KAT6B: variants seen among roughly 807,000 people sequenced by gnomAD.
KAT6B encodes the protein histone acetyltransferase KAT6B.
In KAT6B, 10 loss-of-function variants were observed where a neutral mutation model predicts 187.5. The ratio of observed to expected loss-of-function variants is 0.05; its 90% CI spans 0.03 to 0.09. The LOEUF is 0.09. Among genes scored for constraint, KAT6B ranks in the 10% least tolerant of loss-of-function variants. KAT6B has a pLI of 1.00. For synonymous variants in KAT6B, 861 were observed against 926.8 expected, an observed-to-expected ratio of 0.93 and a Z score of 1.29; for missense variants, 1,952 against 2,558.9, an observed-to-expected ratio of 0.76 and a Z score of 5.12.
chr10:74,855,231 G>A (rs967433479), intron 3 of KAT6B, among the ~76,000 whole-genome samples: 1 of 152,188 alleles, frequency 6.6e-6, no homozygotes, highest in Non-Finnish European at 1.5e-5. Flanking sequence ...GGAAGGAGGT[G>A]AGCCTTGGTC....
Position 75,029,436 on chromosome 10 carries a change from G to A in KAT6B, c.4612G>A (p.Asp1538Asn), listed in dbSNP as rs753937127. 7.4e-6 allele frequency: 12 copies of A among 1,614,116 alleles called. No homozygotes were observed. The highest frequency in any genetic ancestry group is 1.6e-4 in the Middle Eastern group (1 of 6,062). ...GGGAAACCCAGCAACCATGGAAATCGACTCTGAGACTGTCCAGGCCGTTCA... is the reference window on the plus strand; with the variant it reads ...GGGAAACCCAGCAACCATGGAAATCAACTCTGAGACTGTCCAGGCCGTTCA... ...KEGNPATMEI[D>N]SETVQAVQSL... The change falls in exon 18 of 18, where the codon GAC (aspartate) becomes AAC (asparagine). Residue 1538 changes from aspartate to asparagine, a missense_variant. This residue lies in a region of KAT6B where 758 missense variants were observed against 891.4 expected (regional missense o/e 0.85). Coordinates refer to ENST00000287239, the MANE Select transcript of KAT6B (RefSeq NM_012330.4). The surrounding 1 kb of genome is among the most constrained non-coding windows in gnomAD (Gnocchi z 6.2).
At chr10:74,866,017 A>T (rs901401538) in intron 3 of KAT6B, among the ~76,000 whole-genome samples, 1 of 151,998 alleles carries the variant, frequency 6.6e-6, no homozygotes, top group Non-Finnish European at 1.5e-5. Flanking sequence ...CAGAGGGCTG[A>T]TTTTTTGTCT....
In KAT6B at chr10:74,851,111, A is replaced by ATT. The variant is rs551058752; in HGVS notation, c.621+7645_621+7646dup. On this transcript the variant is annotated intron_variant, in intron 3 of 17. Transcript: ENST00000287239. ...TGTCAATAAGAAAAAAATCAAAATG[A>ATT]TTTTTTTTTTTTTGGATACAGAGTC... Among the ~76,000 whole-genome samples the ATT allele has an allele frequency of 6.2e-5, 9 of 145,996 alleles. No homozygotes were observed. In the Admixed American group the frequency reaches 6.2e-4, roughly 10 times the overall value.
chr10:75,018,800 C>G (rs947317699), intron 13 of KAT6B, among the ~76,000 whole-genome samples: 1 of 152,154 alleles, frequency 6.6e-6, no homozygotes, highest in Non-Finnish European at 1.5e-5. Context: ...GACTTTCACA[C>G]TCACTGCAGG....
rs1846158973 is a variant in KAT6B, at chr10:75,029,605, C to T, written c.4781C>T (p.Ser1594Leu). Residue 1594 changes from serine (S) to leucine (L), a missense_variant, in exon 18 of 18, where the codon TCG becomes TTG. Coordinates refer to ENST00000287239, the MANE Select transcript of KAT6B (RefSeq NM_012330.4). This position sits in a 1 kb window ranked among gnomAD's most constrained non-coding sequence, Gnocchi z 6.2. ...IATTLDDCQQ[S>L]DHSSPVSSVH... is the part of the protein sequence containing the mutation. ...ACCACGCTCGACGATTGCCAACAGT[C>T]GGACCACAGTAGCCCAGTTTCATCC... is the stretch of plus-strand genomic sequence containing the variant. 8.1e-6 allele frequency: 13 copies of T among 1,614,164 alleles called. No homozygotes were observed. Among genetic ancestry groups the T allele is most frequent in the Non-Finnish European group, 1.0e-5 (12 of 1,180,032 alleles).
chr10:74,866,728 C>G (rs1843578838), intron 3 of KAT6B, among the ~76,000 whole-genome samples: 1 of 152,130 alleles, frequency 6.6e-6, no homozygotes. Flanking sequence ...AGCCTGAGGC[C>G]TGCTCTCTCA....
At chr10:74,855,215 C>G (rs879178129) in intron 3 of KAT6B, among the ~76,000 whole-genome samples, 1 of 152,140 alleles carries the variant, frequency 6.6e-6, no homozygotes, top group African/African-American at 2.4e-5. Flanking sequence ...AGCAGTGAGG[C>G]CTGCAGGAAG....
In KAT6B at chr10:74,997,415, T is replaced by C. The variant is rs577436477; in HGVS notation, c.2629+8303T>C. Among the ~76,000 whole-genome samples the C allele has an allele frequency of 2.0e-5, 3 of 152,314 alleles. 1 individual carries two copies. Among genetic ancestry groups the C allele is most frequent in the African/African-American group, 7.2e-5 (3 of 41,556 alleles). On this transcript the variant is annotated intron_variant, in intron 13 of 17. Coordinates refer to ENST00000287239, the MANE Select transcript of KAT6B (RefSeq NM_012330.4). ...GTCCTGCATTTATTGATTGATTCAT[T>C]CAGTCCTCACGGCAACAGTTGAGAT... is the stretch of plus-strand genomic sequence containing the variant.
At chr10:74,955,248 C>T (rs957965381) in intron 3 of KAT6B, among the ~76,000 whole-genome samples, 1 of 151,954 alleles carries the variant, frequency 6.6e-6, no homozygotes, top group Non-Finnish European at 1.5e-5. Context: ...CAGACAAAAC[C>T]ATCCTTTTTC....
chr10:74,887,566 C>A (rs1220096454), intron 3 of KAT6B, among the ~76,000 whole-genome samples: 1 of 151,992 alleles, frequency 6.6e-6, no homozygotes, highest in Non-Finnish European at 1.5e-5. Context: ...CTCAGGTGAT[C>A]CACCTGCCTC....
intron 3 of KAT6B, among the ~76,000 whole-genome samples, chr10:74,957,334 T>C (rs1034795489): frequency 6.6e-6 from 1 of 152,242 alleles, no homozygotes; most frequent in East Asian, 1.9e-4. Context: ...GAGATAGTTA[T>C]CCTTAAAATA....
intron 3 of KAT6B, among the ~76,000 whole-genome samples, chr10:74,873,530 A>T (rs569276664): frequency 6.6e-6 from 1 of 152,294 alleles, no homozygotes; most frequent in South Asian, 2.1e-4. Flanking sequence ...CAGGGGAGCT[A>T]TAGAGGAGCA....
chr10:74,969,957 A>G (rs1841742034), intron 5 of KAT6B, 63 bp from the exon 6 acceptor site: 2 of 1,246,876 alleles, frequency 1.6e-6, no homozygotes, highest in African/African-American at 3.0e-5. Context: ...CAGTAACAAA[A>G]GAATTTTTGG....
At position 74,843,387 on chromosome 10, in the gene KAT6B, G is replaced by A. The variant is rs2132075192; in HGVS notation, c.530G>A (p.Gly177Glu). 1 of 1,613,836 alleles carries A rather than the reference G, an allele frequency of 6.2e-7. No homozygotes were observed. The highest frequency in any genetic ancestry group is 8.5e-7 in the Non-Finnish European group (1 of 1,179,928). ...KDGPQYRVNYGSLDGKGAPQY... is the reference protein window; with the variant it reads ...KDGPQYRVNYESLDGKGAPQY... ...GGACCGCAGTACAGGGTCAATTATG[G>A]GAGCTTAGATGGCAAAGGGGCACCT... is the stretch of plus-strand genomic sequence containing the variant. Residue 177 changes from glycine to glutamate, a missense_variant, in exon 3 of 18, where the codon GGG becomes GAG. Gly to Glu is a moderately conservative substitution (Grantham distance 98, BLOSUM62 -2). Coordinates refer to ENST00000287239, the MANE Select transcript of KAT6B (RefSeq NM_012330.4).
chr10:74,828,337 G>T (rs1474981038), intron 1 of KAT6B, among the ~76,000 whole-genome samples: 1 of 152,140 alleles, frequency 6.6e-6, no homozygotes, highest in Non-Finnish European at 1.5e-5. Flanking sequence ...AGGTACCAAG[G>T]AAATTCAGGG....
At chr10:75,013,356 GA>G (rs1448333539) in intron 13 of KAT6B, among the ~76,000 whole-genome samples, 2 of 150,690 alleles carry the variant, frequency 1.3e-5, no homozygotes. Context: ...TCCTGAGGCA[GA>G]ATTTTTTTTC....
At position 74,970,013 on chromosome 10, in the gene KAT6B, A is replaced by G; in HGVS notation, c.847-7A>G. The G allele has an allele frequency of 3.8e-6, 6 of 1,596,694 alleles. No homozygotes were observed. The highest frequency in any genetic ancestry group is 5.2e-6 in the Non-Finnish European group (6 of 1,164,354). On this transcript the variant is annotated splice_polypyrimidine_tract_variant and splice_region_variant and intron_variant, in intron 5 of 17. Coordinates refer to ENST00000287239, the MANE Select transcript of KAT6B (RefSeq NM_012330.4). ...TCTCAATTAGTCTCTAATATGTTAT[A>G]TTACAGGATAATATGCTTTTTTGTG...
chr10:74,970,744 C>CA (rs1841794620), intron 6 of KAT6B, among the ~76,000 whole-genome samples: 1 of 151,758 alleles, frequency 6.6e-6, no homozygotes, highest in Non-Finnish European at 1.5e-5. Context: ...TACAGATAGA[C>CA]AAAAAAGGAA....
chr10:75,018,110 TGCTCTG>T (rs992329347), intron 13 of KAT6B, among the ~76,000 whole-genome samples: 5 of 152,226 alleles, frequency 3.3e-5, no homozygotes, highest in African/African-American at 1.2e-4. Context: ...CCGCCTGCTG[TGCTCTG>T]GCTGGAGCTT....
Sources: allele counts gnomAD v4.1 joint callset (sites outside exome capture counted in the v4.1 genomes callset), GRCh38; gene constraint gnomAD v4.1.1; regional missense constraint gnomAD v4.1.1; non-coding constraint Gnocchi (gnomAD v3.1); transcripts MANE v1.5; gene names NCBI Gene and HGNC (gene_info 2026-07-23, HGNC 2026-07-21).